TCF4: variants seen among roughly 807,000 people sequenced by gnomAD.
The protein encoded by TCF4 is SL3-3 enhancer factor 2.
TCF4 carries 3 observed loss-of-function variants against 82.1 expected under a neutral mutation model. The observed-to-expected ratio is 0.04, with a 90% CI of 0.02 to 0.09. The LOEUF (loss-of-function observed/expected upper bound fraction) is 0.09, where lower values mean the gene tolerates loss of function less well. Ranked by LOEUF, TCF4 falls within the 10% of genes least tolerant of loss-of-function variation. TCF4 has a pLI of 1.00. For synonymous variants in TCF4, 276 were observed against 309.6 expected (o/e 0.89, Z 1.14); for missense variants, 518 against 852.7 (o/e 0.61, Z 4.89).
chr18:55,582,674 C>T (rs1245733343), intron 3 of TCF4, among the ~76,000 whole-genome samples: 2 of 152,144 alleles, frequency 1.3e-5, no homozygotes, highest in African/African-American at 4.8e-5. Context: ...CACTATGGAG[C>T]ATCCTATATT....
chr18:55,329,771 CA>C (rs1298372037), intron 8 of TCF4, among the ~76,000 whole-genome samples: 5 of 152,166 alleles, frequency 3.3e-5, no homozygotes, highest in Admixed American at 3.3e-4. Flanking sequence ...TGGTGCTTAC[CA>C]ACCAAAGACA....
chr18:55,393,249 A>C (rs914352699), intron 6 of TCF4, among the ~76,000 whole-genome samples: 1 of 152,156 alleles, frequency 6.6e-6, no homozygotes, highest in East Asian at 1.9e-4. Context: ...CTGCAGTCCT[A>C]GCTACTCAGG....
intron 13 of TCF4, among the ~76,000 whole-genome samples, chr18:55,258,403 G>A (rs1314403461): frequency 6.6e-6 from 1 of 152,092 alleles, no homozygotes; most frequent in Non-Finnish European, 1.5e-5. Context: ...CTGAGATCAT[G>A]CTACTCAGGT....
At chr18:55,371,750 G>A (rs2089265343) in intron 6 of TCF4, among the ~76,000 whole-genome samples, 1 of 152,138 alleles carries the variant, frequency 6.6e-6, no homozygotes, top group Non-Finnish European at 1.5e-5. Context: ...CCTAGCACGT[G>A]TCTCAAACAT....
In TCF4 at chr18:55,226,776, TTTAC is replaced by T. The variant is rs1425412186; in HGVS notation, c.*1255_*1258del. 2.0e-5 allele frequency: 3 copies of T among 152,570 alleles called. No individual in the cohort carries two copies. The highest frequency in any genetic ancestry group is 2.9e-5 in the Non-Finnish European group (2 of 68,024). The allele number at this position is 152,570 out of a possible 1,614,324, so 9.5% of individuals were successfully genotyped here. ...TTTTCTCATTTGACGGTTTTTGAAC[TTTAC>T]TTGTTTTTTTTGTTTTTGTTTTTTT... On this transcript the variant is annotated 3_prime_UTR_variant, in exon 20 of 20. Transcript: ENST00000354452.
intron 7 of TCF4, 117 bp from the exon 8 acceptor site, chr18:55,350,525 A>C: frequency 1.0e-6 from 1 of 1,003,206 alleles, no homozygotes; most frequent in Non-Finnish European, 1.6e-6. Context: ...ACCTTAGCAA[A>C]CTGTAGTTAC....
chr18:55,266,547 T>C (rs2059221927), intron 11 of TCF4: 1 of 152,148 alleles, frequency 6.6e-6, no homozygotes, highest in African/African-American at 2.4e-5. Context: ...AGGTCTAATA[T>C]GATCTCCAGA....
In TCF4 at chr18:55,586,135, A is replaced by G. The variant is rs369858906; in HGVS notation, c.73-783T>C. On this transcript the variant is annotated intron_variant, in intron 2 of 19. Coordinates refer to ENST00000354452, the MANE Select transcript of TCF4 (RefSeq NM_001083962.2). ...TCTAGAAGAGGAGGAGGAGGAGGAG[A>G]AGGAGGAGGAGGAGGAGGAGCAGCA... The G allele has an allele frequency of 1.8e-4, 238 of 1,297,836 alleles. 18 individuals carry two copies. Among genetic ancestry groups the G allele is most frequent in the African/African-American group, 5.5e-4 (35 of 63,588 alleles). 80.4% of individuals were successfully genotyped at this position (1,297,836 alleles called of 1,614,324 possible).
chr18:55,320,980 G>A (rs1051592238), intron 8 of TCF4: 1 of 152,570 alleles, frequency 6.6e-6, no homozygotes, highest in Non-Finnish European at 1.5e-5. Context: ...GTTTCTGTTG[G>A]AAGGGGGGGA....
chr18:55,573,242 G>A (rs1253259898), intron 3 of TCF4, among the ~76,000 whole-genome samples: 3 of 150,562 alleles, frequency 2.0e-5, no homozygotes, highest in Admixed American at 2.0e-4. Flanking sequence ...AATTACTGTC[G>A]GAATGTATAA....
intron 8 of TCF4, among the ~76,000 whole-genome samples, chr18:55,316,084 A>G (rs2074061752): frequency 6.6e-6 from 1 of 152,106 alleles, no homozygotes; most frequent in African/African-American, 2.4e-5. Context: ...CTTTTAAACT[A>G]TGTTGACTGT....
chr18:55,588,034 C>G lies in TCF4; in HGVS notation c.-21+4G>C, dbSNP rs1218039997. 1.0e-6 allele frequency: 1 copy of G among 982,520 alleles called. No individual in the cohort carries two copies. Among genetic ancestry groups the G allele is most frequent in the Non-Finnish European group, 1.2e-6 (1 of 828,878 alleles). 60.9% of individuals were successfully genotyped at this position (982,520 alleles called of 1,614,324 possible). On this transcript the variant is annotated splice_donor_region_variant and intron_variant, in intron 1 of 19. Coordinates refer to ENST00000354452, the MANE Select transcript of TCF4 (RefSeq NM_001083962.2). Reference sequence around the variant, plus strand: ...CGCCGAGCCCCGCAGGCGCCGGTACCTACCGCCCGCGCGCGAGAAGGGGCT... The same window carrying G: ...CGCCGAGCCCCGCAGGCGCCGGTACGTACCGCCCGCGCGCGAGAAGGGGCT...
chr18:55,430,197 A>G (rs1020931755), intron 5 of TCF4, among the ~76,000 whole-genome samples: 1 of 152,182 alleles, frequency 6.6e-6, no homozygotes, highest in African/African-American at 2.4e-5. Context: ...ATCTCTATCA[A>G]TCACAAACAG....
At chr18:55,321,992 C>G (rs1034660504) in intron 8 of TCF4, 5 of 1,235,108 alleles carry the variant, frequency 4.0e-6, no homozygotes, top group Admixed American at 8.1e-5. Context: ...CTAATGCATA[C>G]GCGAGATCGA....
At chr18:55,589,322 A>C (rs2097678849), upstream of TCF4, 6 of 1,052,422 alleles carry the variant, frequency 5.7e-6, no homozygotes, top group South Asian at 9.1e-5. Flanking sequence ...ATATTCTCAC[A>C]ATATTCCAAG....
At chr18:55,607,426 TG>T in intron 2 of TCF4, among the ~76,000 whole-genome samples, 1 of 152,160 alleles carries the variant, frequency 6.6e-6, no homozygotes, top group East Asian at 1.9e-4. Flanking sequence ...ACAAGGCCAG[TG>T]GATCCAAAAA....
At chr18:55,373,902 A>T (rs1200167537) in intron 6 of TCF4, among the ~76,000 whole-genome samples, 1 of 152,144 alleles carries the variant, frequency 6.6e-6, no homozygotes, top group African/African-American at 2.4e-5. Flanking sequence ...AAGCATTTTT[A>T]AAAATCCTAC....
chr18:55,599,608 C>A (rs551872609), intron 2 of TCF4, among the ~76,000 whole-genome samples: 2 of 152,108 alleles, frequency 1.3e-5, no homozygotes, highest in Non-Finnish European at 2.9e-5. Context: ...GTAGCCCCAG[C>A]TACAAGGGAG....
chr18:55,316,756 C>CTTTT (rs1168674766), intron 8 of TCF4, among the ~76,000 whole-genome samples: 1 of 152,032 alleles, frequency 6.6e-6, no homozygotes, highest in Non-Finnish European at 1.5e-5. Flanking sequence ...ACTATTAGAT[C>CTTTT]TTTTTTCCTG....
Sources: gnomAD v4.1 joint callset for allele counts (sites outside exome capture counted in the v4.1 genomes callset) on GRCh38, gnomAD v4.1.1 for gene constraint, MANE v1.5 for transcripts, NCBI Gene and HGNC (gene_info 2026-07-23, HGNC 2026-07-21) for gene names.